CBFA2T2: variants seen among roughly 807,000 people sequenced by gnomAD.
The protein encoded by CBFA2T2 is protein CBFA2T2.
Under a neutral mutation model 62.2 loss-of-function variants are expected in CBFA2T2, and 11 were observed. That is an observed-to-expected ratio of 0.18 (90% CI 0.11 to 0.29). The LOEUF (loss-of-function observed/expected upper bound fraction) is 0.29, where lower values mean the gene tolerates loss of function less well. Ranked by LOEUF, CBFA2T2 falls within the 10% of genes least tolerant of loss-of-function variation. CBFA2T2 has a pLI of 1.00. For synonymous variants in CBFA2T2, 295 were observed against 287.5 expected, an observed-to-expected ratio of 1.03 and a Z score of -0.27; for missense variants, 592 against 774.1, an observed-to-expected ratio of 0.76 and a Z score of 2.79.
chr20:33,574,256 G>A (rs1261708509), intron 1 of CBFA2T2: 2 of 1,612,442 alleles, frequency 1.2e-6, no homozygotes, highest in East Asian at 4.5e-5. Context: ...GCAAGGCAAT[G>A]GAAAGGTATG....
At chr20:33,529,016 T>C (rs1224367002) in intron 1 of CBFA2T2, among the ~76,000 whole-genome samples, 3 of 151,792 alleles carry the variant, frequency 2.0e-5, no homozygotes, top group Non-Finnish European at 4.4e-5. Context: ...GACCAGTTTG[T>C]TTGTTTTTTT....
In CBFA2T2 at chr20:33,624,252, A is replaced by G. The variant is rs533744062; in HGVS notation, c.693-512A>G. Among the ~76,000 whole-genome samples the G allele has an allele frequency of 1.4e-4, 21 of 151,228 alleles. No individual in the cohort carries two copies. In the East Asian group the frequency reaches 2.3e-3, roughly 17 times the overall value. The stretch of plus-strand genomic sequence containing the variant: ...TTTTAAAAGTAAAAAAAAAAAAAAA[A>G]AAAGAAAATTTATTACAGTTGAATC... On this transcript the variant is annotated intron_variant, in intron 5 of 10. Transcript: ENST00000342704.
intron 8 of CBFA2T2, among the ~76,000 whole-genome samples, chr20:33,633,706 G>C (rs1439392966): frequency 2.0e-5 from 3 of 152,156 alleles, no homozygotes; most frequent in African/African-American, 7.2e-5. Flanking sequence ...TCCTCTGGCT[G>C]TGTGGGTGGA....
intron 1 of CBFA2T2, among the ~76,000 whole-genome samples, chr20:33,568,222 G>C (rs922630252): frequency 3.3e-5 from 5 of 152,158 alleles, no homozygotes; most frequent in Admixed American, 6.5e-5. Context: ...TCCTGCATCA[G>C]CACTCAATAA....
chr20:33,561,228 G>C (rs1337763319), intron 1 of CBFA2T2, among the ~76,000 whole-genome samples: 4 of 151,924 alleles, frequency 2.6e-5, no homozygotes, highest in Admixed American at 2.6e-4. Flanking sequence ...TGCCCAGGCT[G>C]ATCTCAAACG....
intron 1 of CBFA2T2, among the ~76,000 whole-genome samples, chr20:33,577,904 A>C (rs1053993702): frequency 1.3e-5 from 2 of 152,210 alleles, no homozygotes; most frequent in Admixed American, 6.5e-5. Flanking sequence ...GTTATTTCTA[A>C]ATGAATATAT....
chr20:33,590,346 T>A (rs926559207), intron 1 of CBFA2T2, among the ~76,000 whole-genome samples: 1 of 152,150 alleles, frequency 6.6e-6, no homozygotes, highest in African/African-American at 2.4e-5. Flanking sequence ...TAATTTTTTT[T>A]AAGTACCTGT....
chr20:33,534,858 G>C (rs2012163157), intron 1 of CBFA2T2, among the ~76,000 whole-genome samples: 1 of 136,240 alleles, frequency 7.3e-6, no homozygotes, highest in African/African-American at 2.8e-5. Flanking sequence ...AATTAGAATA[G>C]TAATATCAAA....
intron 1 of CBFA2T2, among the ~76,000 whole-genome samples, chr20:33,570,982 T>TA (rs1433888914): frequency 3.9e-5 from 6 of 152,208 alleles, no homozygotes; most frequent in African/African-American, 9.7e-5. Flanking sequence ...GCTTCTCACT[T>TA]ACCTTTCCCC....
At chr20:33,598,964 CTG>C (rs1159223751) in intron 1 of CBFA2T2, among the ~76,000 whole-genome samples, 2 of 152,146 alleles carry the variant, frequency 1.3e-5, no homozygotes, top group East Asian at 3.8e-4. Flanking sequence ...AGTCAGTAAA[CTG>C]TGGCCCACTG....
Position 33,629,763 on chromosome 20 carries a change from T to C in CBFA2T2, c.1077T>C (p.Ser359=). ...AAATGGTAGAGAAAACAAGGCGCTC[T>C]ATGGCAGTTCTGCGGCGCTGTCAGG... ...IMEMVEKTRR[S]MAVLRRCQES... is the part of the protein sequence containing the mutation. The change falls in exon 8 of 11, where the codon TCT becomes TCC. Residue 359 remains serine (S), a synonymous_variant. Coordinates refer to ENST00000342704, the MANE Select transcript of CBFA2T2 (RefSeq NM_001032999.3). 1 of 1,614,142 alleles carries C rather than the reference T, an allele frequency of 6.2e-7. No homozygotes were observed. Among genetic ancestry groups the C allele is most frequent in the South Asian group, 1.1e-5 (1 of 91,084 alleles).
chr20:33,564,672 C>T (rs372454314), intron 1 of CBFA2T2, among the ~76,000 whole-genome samples: 44 of 152,020 alleles, frequency 2.9e-4, no homozygotes, highest in African/African-American at 1.0e-3. Context: ...TTCACTCTTC[C>T]GGACTTCAGT....
intron 4 of CBFA2T2, 71 bp from the exon 5 acceptor site, chr20:33,623,044 G>A (rs1439060064): frequency 6.9e-7 from 1 of 1,453,892 alleles, no homozygotes; most frequent in African/African-American, 1.4e-5. Context: ...TCTGCTTTGT[G>A]AAAGCCCTTT....
intron 1 of CBFA2T2, among the ~76,000 whole-genome samples, chr20:33,569,049 T>C (rs2013450075): frequency 6.6e-6 from 1 of 152,230 alleles, no homozygotes; most frequent in South Asian, 2.1e-4. Flanking sequence ...AATCTGTTTC[T>C]GAGTAGTAAA....
chr20:33,507,886 C>T (rs1254139468), intron 1 of CBFA2T2, among the ~76,000 whole-genome samples: 2 of 152,010 alleles, frequency 1.3e-5, no homozygotes, highest in African/African-American at 4.8e-5. Context: ...GCCAGAATAC[C>T]CTCTGGAGAG....
At chr20:33,620,595 G>A (rs542435460) in intron 4 of CBFA2T2, among the ~76,000 whole-genome samples, 72 of 152,116 alleles carry the variant, frequency 4.7e-4, no homozygotes, top group Non-Finnish European at 9.6e-4. Context: ...ATCCATGCAC[G>A]TTGGGAGGCC....
At chr20:33,491,104 T>C (rs1404060180) in intron 1 of CBFA2T2, among the ~76,000 whole-genome samples, 1 of 152,186 alleles carries the variant, frequency 6.6e-6, no homozygotes, top group Non-Finnish European at 1.5e-5. Flanking sequence ...CCTTGATGTG[T>C]GAGATCCTTG....
At chr20:33,600,184 T>TGTG (rs1368909200) in intron 1 of CBFA2T2, among the ~76,000 whole-genome samples, 1 of 116,538 alleles carries the variant, frequency 8.6e-6, no homozygotes, top group Admixed American at 8.5e-5. Flanking sequence ...TTTGGAAAGT[T>TGTG]TTTTTTTTTT....
intron 1 of CBFA2T2, among the ~76,000 whole-genome samples, chr20:33,526,663 T>C (rs2011895988): frequency 6.6e-6 from 1 of 152,140 alleles, no homozygotes; most frequent in Non-Finnish European, 1.5e-5. Context: ...TATGATAAGT[T>C]AGCTTTTTAT....
Sources: gnomAD v4.1 joint callset for allele counts (sites outside exome capture counted in the v4.1 genomes callset) on GRCh38, gnomAD v4.1.1 for gene constraint, MANE v1.5 for transcripts, NCBI Gene and HGNC (gene_info 2026-07-23, HGNC 2026-07-21) for gene names.